Variants in CLIP1 observed in about 807,000 individuals in gnomAD.
CLIP1 encodes the protein CAP-Gly domain-containing linker protein 1.
CLIP1 carries 66 observed loss-of-function variants against 161.6 expected under a neutral mutation model. That is an observed-to-expected ratio of 0.41 (90% CI 0.33 to 0.50). CLIP1 has a LOEUF of 0.50. Ranked by LOEUF, CLIP1 falls within the 20% of genes least tolerant of loss-of-function variation. The probability of loss-of-function intolerance (pLI) is 0.27; values close to 1 mark genes in which losing one functional copy is unlikely to be tolerated. For missense variants in CLIP1, 1,376 were observed against 1,702.0 expected (o/e 0.81, Z 3.37); for synonymous variants, 598 against 626.2 (o/e 0.96, Z 0.67).
chr12:122,389,758 CAAAAAAA>C lies in CLIP1; in HGVS notation c.-106-9207_-106-9201del, dbSNP rs57168188. On this transcript the variant is annotated intron_variant, in intron 1 of 25. Transcript: ENST00000620786. Reference sequence around the variant, plus strand: ...AGGAGAGCAGAATGAGATCCTGTCTCAAAAAAAAAAAAAAAAAAAAAAAAAGAATTTA... The same window carrying C: ...AGGAGAGCAGAATGAGATCCTGTCTCAAAAAAAAAAAAAAAAAAGAATTTA... Among the ~76,000 whole-genome samples the C allele has an allele frequency of 7.6e-4, 53 of 69,302 alleles. No individual in the cohort carries two copies. In the East Asian group the frequency reaches 0.015, roughly 20 times the overall value. The allele number at this position is 69,302 out of a possible 152,430, so 45.5% of individuals were successfully genotyped here.
At position 122,364,019 on chromosome 12, in the gene CLIP1, G is replaced by A; in HGVS notation, c.746C>T (p.Pro249Leu). ...AACAGCGCCATCATTCTTCCCAAGT[G>A]GCTCATCTAACTCCACGCCACACCA... ...GEWCGVELDE[P>L]LGKNDGAVAG... is the part of the protein sequence containing the mutation. Residue 249 changes from proline to leucine, a missense_variant, in exon 4 of 26, where the codon CCA becomes CTA. Pro to Leu is a moderately conservative substitution (Grantham distance 98, BLOSUM62 -3). Coordinates refer to ENST00000620786, the MANE Select transcript of CLIP1 (RefSeq NM_001247997.2). 1 of 1,614,092 alleles carries A rather than the reference G, an allele frequency of 6.2e-7. No individual in the cohort carries two copies.
chr12:122,352,017 G>A (rs1953056598), intron 8 of CLIP1, among the ~76,000 whole-genome samples: 2 of 150,864 alleles, frequency 1.3e-5, no homozygotes, highest in Non-Finnish European at 2.9e-5. Context: ...CTGCTCAACT[G>A]GAAAGCAAAG....
chr12:122,388,355 G>A (rs539814877), intron 1 of CLIP1, among the ~76,000 whole-genome samples: 1 of 152,300 alleles, frequency 6.6e-6, no homozygotes, highest in Non-Finnish European at 1.5e-5. Context: ...AAGTAGCTGG[G>A]ACTACAGGCA....
intron 1 of CLIP1, among the ~76,000 whole-genome samples, chr12:122,382,799 A>G (rs1432142977): frequency 6.6e-6 from 1 of 152,172 alleles, no homozygotes; most frequent in Non-Finnish European, 1.5e-5. Context: ...GACAGAAGTC[A>G]CTATCCTGAT....
intron 1 of CLIP1, among the ~76,000 whole-genome samples, chr12:122,390,807 A>C (rs1955624926): frequency 6.6e-6 from 1 of 151,842 alleles, no homozygotes; most frequent in Non-Finnish European, 1.5e-5. Flanking sequence ...AAAAAAAAAG[A>C]ATAAAATGTT....
At chr12:122,308,652 G>C (rs1224661487) in intron 20 of CLIP1, among the ~76,000 whole-genome samples, 1 of 152,160 alleles carries the variant, frequency 6.6e-6, no homozygotes, top group African/African-American at 2.4e-5. Context: ...GATAATAATA[G>C]TGCTATTGCT....
In CLIP1 at chr12:122,354,518, T is replaced by C; in HGVS notation, c.1242A>G (p.Arg414=). The C allele has an allele frequency of 6.2e-7, 1 of 1,614,008 alleles. No homozygotes were observed. The highest frequency in any genetic ancestry group is 8.5e-7 in the Non-Finnish European group (1 of 1,179,940). Residue 414 remains arginine, a synonymous_variant, in exon 7 of 26, where the codon CGA becomes CGG. Coordinates refer to ENST00000620786, the MANE Select transcript of CLIP1 (RefSeq NM_001247997.2). The part of the protein sequence containing the change: ...LELEAKMDQL[R]TMVEAADREK... ...CCCTGTCAGCAGCTTCCACCATTGT[T>C]CGCAGCTGGTCCATTTTGGCTTCCA... is the stretch of plus-strand genomic sequence containing the variant.
At position 122,319,266 on chromosome 12, in the gene CLIP1, T is replaced by C. The variant is rs958294690; in HGVS notation, c.3332A>G (p.Asp1111Gly). The C allele has an allele frequency of 1.2e-6, 2 of 1,613,442 alleles. No individual in the cohort carries two copies. Among genetic ancestry groups the C allele is most frequent in the Middle Eastern group, 1.6e-4 (1 of 6,062 alleles). Residue 1111 changes from aspartate (D) to glycine (G), a missense_variant, in exon 18 of 26, where the codon GAC (aspartate) becomes GGC (glycine). Physicochemically the swap from Asp to Gly is moderately conservative, Grantham distance 94. This residue lies in a region of CLIP1 where 948 missense variants were observed against 1,134.8 expected (regional missense o/e 0.84). Coordinates refer to ENST00000620786, the MANE Select transcript of CLIP1 (RefSeq NM_001247997.2). ...TAGTTTTGCATTTGTTTGCTTGGTG[T>C]CCTCCAAGGAGGCCAGAGTCTCAGT... ...EKTETLASLE[D>G]TKQTNAKLQN... is the part of the protein sequence containing the mutation.
intron 1 of CLIP1, among the ~76,000 whole-genome samples, chr12:122,389,378 C>G (rs1955480503): frequency 6.6e-6 from 1 of 152,190 alleles, no homozygotes; most frequent in South Asian, 2.1e-4. Context: ...TACAAACCAG[C>G]TGAGGTATAT....
chr12:122,404,639 G>A (rs1331050322), intron 1 of CLIP1, among the ~76,000 whole-genome samples: 1 of 150,682 alleles, frequency 6.6e-6, no homozygotes, highest in Non-Finnish European at 1.5e-5. Context: ...GCTCACGCCT[G>A]TAATCCCAGC....
chr12:122,305,137 A>C (rs1282746545), intron 20 of CLIP1, among the ~76,000 whole-genome samples: 1 of 152,250 alleles, frequency 6.6e-6, no homozygotes, highest in Non-Finnish European at 1.5e-5. Flanking sequence ...CTCTGTTCCC[A>C]TAGTGATAGC....
At chr12:122,388,647 C>T (rs1198967184) in intron 1 of CLIP1, among the ~76,000 whole-genome samples, 2 of 152,100 alleles carry the variant, frequency 1.3e-5, no homozygotes, top group African/African-American at 4.8e-5. Flanking sequence ...TAGCTCACCG[C>T]ACCCTTTGAA....
At chr12:122,288,563 C>A (rs780938471) in intron 20 of CLIP1, 22 bp from the exon 21 acceptor site, 1 of 1,600,796 alleles carries the variant, frequency 6.2e-7, no homozygotes, top group Non-Finnish European at 8.5e-7. Flanking sequence ...ACACAAAAAA[C>A]TTCAGTTCAT....
chr12:122,415,679 C>A (rs534408962), intron 1 of CLIP1, among the ~76,000 whole-genome samples: 2 of 149,092 alleles, frequency 1.3e-5, no homozygotes, highest in South Asian at 2.1e-4. Context: ...ATCAGCCGTG[C>A]GTGGTGGAGT....
intron 20 of CLIP1, among the ~76,000 whole-genome samples, chr12:122,307,812 C>T (rs1950927216): frequency 1.3e-5 from 2 of 152,170 alleles, no homozygotes; most frequent in Non-Finnish European, 2.9e-5. Flanking sequence ...AAAGAATGGT[C>T]TATAATCTTT....
intron 15 of CLIP1, among the ~76,000 whole-genome samples, chr12:122,328,966 G>A (rs534867017): frequency 1.3e-5 from 2 of 152,294 alleles, no homozygotes; most frequent in South Asian, 2.1e-4. Flanking sequence ...AATAACTACT[G>A]TAATTGGGAA....
At chr12:122,299,611 G>GAAAAAA (rs1491546237) in intron 20 of CLIP1, among the ~76,000 whole-genome samples, 1 of 34,564 alleles carries the variant, frequency 2.9e-5, no homozygotes, top group African/African-American at 3.0e-4. Flanking sequence ...AATAAATTCA[G>GAAAAAA]CAAAAAAAAA....
At chr12:122,335,143 G>A (rs1313964067) in intron 12 of CLIP1, among the ~76,000 whole-genome samples, 1 of 152,160 alleles carries the variant, frequency 6.6e-6, no homozygotes, top group Non-Finnish European at 1.5e-5. Context: ...CTAGGTCTGT[G>A]TCGCTACTTT....
chr12:122,341,426 G>T lies in CLIP1; in HGVS notation c.1778C>A (p.Thr593Asn). ...CTCTTTGGAAAGCTTTTCCGTGGCG[G>T]TATACAGAGCCTTTATCTCCTTCTG... The part of the protein sequence containing the change: ...THQKEIKALY[T>N]ATEKLSKENE... The change falls in exon 11 of 26, where the codon ACC (threonine) becomes AAC (asparagine). Residue 593 changes from threonine (T) to asparagine (N), a missense_variant. Physicochemically the swap from Thr to Asn is moderately conservative, Grantham distance 65. This residue lies in a region of CLIP1 where 948 missense variants were observed against 1,134.8 expected (regional missense o/e 0.84). Coordinates refer to ENST00000620786, the MANE Select transcript of CLIP1 (RefSeq NM_001247997.2). The T allele has an allele frequency of 6.2e-7, 1 of 1,614,084 alleles. No individual in the cohort carries two copies. The highest frequency in any genetic ancestry group is 8.5e-7 in the Non-Finnish European group (1 of 1,180,012).
Sources: allele counts gnomAD v4.1 joint callset (sites outside exome capture counted in the v4.1 genomes callset), GRCh38; gene constraint gnomAD v4.1.1; regional missense constraint gnomAD v4.1.1; transcripts MANE v1.5; gene names NCBI Gene and HGNC (gene_info 2026-07-23, HGNC 2026-07-21).